CYFIP1: variants seen among roughly 807,000 people sequenced by gnomAD.
CYFIP1 encodes cytoplasmic FMR1-interacting protein 1.
In CYFIP1, 58 loss-of-function variants were observed where a neutral mutation model predicts 163.5. That is an observed-to-expected ratio of 0.35 (90% confidence interval 0.29 to 0.44). The LOEUF (loss-of-function observed/expected upper bound fraction) is 0.44, where lower values mean the gene tolerates loss of function less well. Ranked by LOEUF, CYFIP1 falls within the 20% of genes least tolerant of loss-of-function variation. CYFIP1 has a pLI of 1.00. For missense variants in CYFIP1, 1,338 were observed against 1,653.8 expected, an observed-to-expected ratio of 0.81 and a Z score of 3.31; for synonymous variants, 663 against 660.7, an observed-to-expected ratio of 1.00 and a Z score of -0.05.
intron 9 of CYFIP1, among the ~76,000 whole-genome samples, chr15:22,936,537 T>C (rs1182673674): frequency 6.6e-6 from 1 of 152,132 alleles, no homozygotes; most frequent in African/African-American, 2.4e-5. Context: ...GCGCATTCTC[T>C]CACTGCTGAT....
intron 21 of CYFIP1, among the ~76,000 whole-genome samples, chr15:22,905,766 T>G (rs1219590308): frequency 6.6e-6 from 1 of 151,352 alleles, no homozygotes; most frequent in East Asian, 1.9e-4. Flanking sequence ...TTTTTTTTTT[T>G]GTTTTTGTTT....
At chr15:22,914,004 C>T (rs939853527) in intron 17 of CYFIP1, among the ~76,000 whole-genome samples, 11 of 152,228 alleles carry the variant, frequency 7.2e-5, no homozygotes, top group Non-Finnish European at 1.6e-4. Context: ...CAGTCGCTCA[C>T]CATGAGACAC....
chr15:22,968,453 C>A (rs1371982492), intron 1 of CYFIP1, among the ~76,000 whole-genome samples: 1 of 152,174 alleles, frequency 6.6e-6, no homozygotes, highest in Non-Finnish European at 1.5e-5. Flanking sequence ...TCAACATCAG[C>A]TTTTCCCCGG....
chr15:22,933,989 G>T, intron 9 of CYFIP1, 96 bp from the exon 10 acceptor site: 1 of 778,044 alleles, frequency 1.3e-6, no homozygotes. Flanking sequence ...AATTACTTCG[G>T]CTTGAATGCT....
At chr15:22,873,775 C>T (rs775498205) in intron 28 of CYFIP1, 46 bp from the exon 29 acceptor site, 3 of 1,483,794 alleles carry the variant, frequency 2.0e-6, no homozygotes, top group Non-Finnish European at 2.8e-6. Flanking sequence ...TCCAGGCATC[C>T]AGCTACTCCA....
chr15:22,915,517 G>A (rs557152586), intron 16 of CYFIP1, among the ~76,000 whole-genome samples: 2 of 152,144 alleles, frequency 1.3e-5, no homozygotes, highest in Non-Finnish European at 2.9e-5. Context: ...TTGGGAGGCC[G>A]AGGCGGGTGG....
Position 22,925,971 on chromosome 15 carries a change from A to C in CYFIP1, c.1359+11T>G, listed in dbSNP as rs771067645. On this transcript the variant is annotated intron_variant, in intron 13 of 30. Coordinates refer to ENST00000617928, the MANE Select transcript of CYFIP1 (RefSeq NM_014608.6). ...CGACATGAGGAAGAGCGAGCGGCCG[A>C]GCATCCTCACCTCCACTAGGGCAAA... The C allele has an allele frequency of 6.8e-6, 11 of 1,612,108 alleles. No individual in the cohort carries two copies. The South Asian group carries it at 1.2e-4, about 18-fold the overall frequency.
intron 1 of CYFIP1, among the ~76,000 whole-genome samples, chr15:22,960,715 C>T (rs998231411): frequency 2.0e-5 from 3 of 152,250 alleles, no homozygotes; most frequent in African/African-American, 2.4e-5. Context: ...TGCTTCAGGG[C>T]GGCCCGCCCT....
intron 23 of CYFIP1, among the ~76,000 whole-genome samples, chr15:22,885,802 C>G (rs1295309852): frequency 2.0e-5 from 3 of 152,116 alleles, no homozygotes; most frequent in African/African-American, 7.2e-5. Flanking sequence ...CCACATCTTC[C>G]CGCCTTCTTT....
intron 21 of CYFIP1, among the ~76,000 whole-genome samples, chr15:22,906,745 G>A (rs1339509677): frequency 1.3e-5 from 2 of 152,094 alleles, no homozygotes; most frequent in Non-Finnish European, 1.5e-5. Context: ...GATTACAGCC[G>A]TGAGCCACAG....
intron 18 of CYFIP1, 63 bp from the exon 19 acceptor site, chr15:22,910,876 GAAAAACA>G (rs2060764685): frequency 7.0e-7 from 1 of 1,427,502 alleles, no homozygotes. Context: ...ATAACAAGGT[GAAAAACA>G]AAATGTTTCG....
At chr15:22,951,918 C>T (rs1420823398) in intron 1 of CYFIP1, among the ~76,000 whole-genome samples, 2 of 121,070 alleles carry the variant, frequency 1.7e-5, no homozygotes, top group African/African-American at 3.1e-5. Context: ...GTTGAACCCA[C>T]GGAAAAACAC....
At chr15:22,979,550 CA>C (rs1392512005) in intron 1 of CYFIP1, among the ~76,000 whole-genome samples, 1 of 152,218 alleles carries the variant, frequency 6.6e-6, no homozygotes, top group African/African-American at 2.4e-5. Flanking sequence ...GCGGAGCTGA[CA>C]CCGTCCAGAC....
intron 22 of CYFIP1, among the ~76,000 whole-genome samples, chr15:22,897,332 G>A (rs2060268673): frequency 6.6e-6 from 1 of 152,170 alleles, no homozygotes; most frequent in South Asian, 2.1e-4. Flanking sequence ...AAAAAAGAGA[G>A]AGTGTTGAAT....
chr15:22,877,009 A>G (rs537451708), intron 26 of CYFIP1, among the ~76,000 whole-genome samples: 1 of 152,250 alleles, frequency 6.6e-6, no homozygotes, highest in African/African-American at 2.4e-5. Flanking sequence ...CCTGAGGCCA[A>G]TGACCAGACA....
chr15:22,966,201 A>C (rs2062897276), intron 1 of CYFIP1, among the ~76,000 whole-genome samples: 1 of 151,570 alleles, frequency 6.6e-6, no homozygotes, highest in African/African-American at 2.4e-5. Flanking sequence ...AAAAAAATAC[A>C]AAATTAGCCA....
chr15:22,925,103 G>A (rs978185068), intron 13 of CYFIP1, among the ~76,000 whole-genome samples: 3 of 152,128 alleles, frequency 2.0e-5, no homozygotes, highest in African/African-American at 7.2e-5. Flanking sequence ...GGTTCATGGA[G>A]GTGGAACCCA....
chr15:22,967,799 G>A (rs1388851596), intron 1 of CYFIP1, among the ~76,000 whole-genome samples: 2 of 152,158 alleles, frequency 1.3e-5, no homozygotes, highest in African/African-American at 4.8e-5. Context: ...ACTTTGGGAG[G>A]TTGAGGTGGG....
chr15:22,937,433 G>A (rs17137217), intron 8 of CYFIP1, among the ~76,000 whole-genome samples: 2,953 of 152,124 alleles, frequency 0.019, 93 homozygotes, highest in East Asian at 0.1. Flanking sequence ...CGCTAAAAGC[G>A]GAAAAAACAA....
Sources: gnomAD v4.1 joint callset for allele counts (sites outside exome capture counted in the v4.1 genomes callset) on GRCh38, gnomAD v4.1.1 for gene constraint, MANE v1.5 for transcripts, NCBI Gene and HGNC (gene_info 2026-07-23, HGNC 2026-07-21) for gene names.